The following MICAL2 variants were observed in gnomAD, a reference collection of about 807,000 sequenced individuals.
MICAL2 encodes the protein [F-actin]-monooxygenase MICAL2.
Under a neutral mutation model 127.3 loss-of-function variants are expected in MICAL2, and 77 were observed. The observed-to-expected ratio is 0.60, with a 90% confidence interval of 0.50 to 0.73. The LOEUF (loss-of-function observed/expected upper bound fraction) is 0.73, where lower values mean the gene tolerates loss of function less well. Among genes scored for constraint, MICAL2 ranks in the 30% least tolerant of loss-of-function variants. MICAL2 has a pLI of 0.00. For synonymous variants in MICAL2, 570 were observed against 551.1 expected (o/e 1.03, Z -0.48); for missense variants, 1,351 against 1,434.4 (o/e 0.94, Z 0.94).
At chr11:12,209,393 A>G in intron 5 of MICAL2, 104 bp from the exon 6 acceptor site, 1 of 899,736 alleles carries the variant, frequency 1.1e-6, no homozygotes. Context: ...TGTGATACAC[A>G]GACCTGGCTG....
At chr11:12,266,177 GA>G (rs112660237), downstream of MICAL2, among the ~76,000 whole-genome samples, 22 of 152,098 alleles carry the variant, frequency 1.4e-4, no homozygotes, top group Admixed American at 1.2e-3. Context: ...AAAACTGTAA[GA>G]AAAAAATATG....
intron 24 of MICAL2, among the ~76,000 whole-genome samples, chr11:12,269,835 C>T (rs1863654698): frequency 6.6e-6 from 1 of 152,244 alleles, no homozygotes; most frequent in African/African-American, 2.4e-5. Flanking sequence ...TGTATCTGCA[C>T]ACCTACACAC....
At chr11:12,285,230 C>G (rs191768322) in intron 2 of MICAL2, among the ~76,000 whole-genome samples, 1 of 152,070 alleles carries the variant, frequency 6.6e-6, no homozygotes, top group East Asian at 1.9e-4. Context: ...CTAGGTGGTG[C>G]CAGTTGAACC....
chr11:12,188,429 T>C (rs779745339), intron 3 of MICAL2, among the ~76,000 whole-genome samples: 11 of 152,206 alleles, frequency 7.2e-5, no homozygotes, highest in Non-Finnish European at 1.3e-4. Flanking sequence ...TTTTTTTTAT[T>C]GTCATGCTGT....
At chr11:12,209,117 T>C (rs1219415846) in intron 5 of MICAL2, among the ~76,000 whole-genome samples, 1 of 152,140 alleles carries the variant, frequency 6.6e-6, no homozygotes, top group Non-Finnish European at 1.5e-5. Flanking sequence ...TACATATCCT[T>C]TTGGGTCTGT....
At chr11:12,155,955 G>GATGAGGTGAGGAAGGGGGAATGT (rs1854143055) in intron 2 of MICAL2, among the ~76,000 whole-genome samples, 2 of 152,250 alleles carry the variant, frequency 1.3e-5, no homozygotes, top group Non-Finnish European at 2.9e-5. Flanking sequence ...AGAAGCAATG[G>GATGAGGTGAGGAAGGGGGAATGT]ATGAGGTGAG....
At chr11:12,277,509 T>G (rs1270049284) in intron 1 of MICAL2, among the ~76,000 whole-genome samples, 5 of 151,950 alleles carry the variant, frequency 3.3e-5, no homozygotes, top group Non-Finnish European at 7.4e-5. Flanking sequence ...AAGCTGAGAA[T>G]TGGTTGGCAA....
At chr11:12,235,480 G>C (rs1858918040) in intron 15 of MICAL2, among the ~76,000 whole-genome samples, 1 of 152,050 alleles carries the variant, frequency 6.6e-6, no homozygotes, top group Non-Finnish European at 1.5e-5. Context: ...CAATCAGGCT[G>C]GGGGTAAAAA....
chr11:12,358,643 C>A, downstream of MICAL2: 1 of 576,436 alleles, frequency 1.7e-6, no homozygotes, highest in Non-Finnish European at 2.8e-6. Context: ...GGCAGCTTCC[C>A]AAGGTTCTTC....
chr11:12,137,916 C>G (rs1851979073), intron 1 of MICAL2, among the ~76,000 whole-genome samples: 1 of 152,144 alleles, frequency 6.6e-6, no homozygotes, highest in Non-Finnish European at 1.5e-5. Context: ...GAAACTCAGC[C>G]ATGATCAGCT....
At chr11:12,267,178 G>A (rs1201779806), downstream of MICAL2, among the ~76,000 whole-genome samples, 1 of 152,158 alleles carries the variant, frequency 6.6e-6, no homozygotes, top group African/African-American at 2.4e-5. Flanking sequence ...GGTGGACTTT[G>A]GTTTTGCCTT....
intron 2 of MICAL2, among the ~76,000 whole-genome samples, chr11:12,140,293 T>C (rs1242809450): frequency 6.6e-6 from 1 of 152,238 alleles, no homozygotes; most frequent in Non-Finnish European, 1.5e-5. Flanking sequence ...TCTCCCATTT[T>C]ACAGATGAGA....
At chr11:12,239,808 T>C (rs1401003115) in intron 17 of MICAL2, among the ~76,000 whole-genome samples, 1 of 152,240 alleles carries the variant, frequency 6.6e-6, no homozygotes, top group Non-Finnish European at 1.5e-5. Flanking sequence ...GCCATTGTAG[T>C]ATGAAAGCAG....
At chr11:12,313,167 C>CAAAA (rs61207104) in intron 29 of MICAL2, among the ~76,000 whole-genome samples, 6,896 of 67,812 alleles carry the variant, frequency 0.1, 819 homozygotes, top group South Asian at 0.17. Flanking sequence ...GACTACATCT[C>CAAAA]AAAAAAAAAA....
At chr11:12,327,287 C>T (rs202059814) in intron 32 of MICAL2, 36 of 1,542,006 alleles carry the variant, frequency 2.3e-5, no homozygotes, top group Middle Eastern at 4.4e-4. Context: ...CCAGCAGATC[C>T]GGAGCAGTGG....
chr11:12,115,193 G>A (rs140527784), intron 1 of MICAL2, among the ~76,000 whole-genome samples: 1 of 152,330 alleles, frequency 6.6e-6, no homozygotes, highest in African/African-American at 2.4e-5. Flanking sequence ...CAAGTGTCTT[G>A]TCTGAATTTG....
At chr11:12,256,738 G>C in intron 23 of MICAL2, 47 bp from the exon 24 acceptor site, 1 of 1,512,802 alleles carries the variant, frequency 6.6e-7, no homozygotes, top group Non-Finnish European at 8.9e-7. Context: ...GCATTTGAAG[G>C]CTCGGGATAA....
At chr11:12,220,739 G>A (rs757691808) in intron 9 of MICAL2, among the ~76,000 whole-genome samples, 5 of 152,218 alleles carry the variant, frequency 3.3e-5, no homozygotes, top group Admixed American at 6.5e-5. Flanking sequence ...CCCGGTCTGG[G>A]CCATATGAGC....
At chr11:12,174,155 A>G (rs556175406) in intron 3 of MICAL2, among the ~76,000 whole-genome samples, 2 of 120,090 alleles carry the variant, frequency 1.7e-5, no homozygotes, top group South Asian at 4.8e-4. Context: ...CAGTAACTGA[A>G]TTGAGTTTGA....
Sources: gnomAD v4.1 joint callset for allele counts (sites outside exome capture counted in the v4.1 genomes callset) on GRCh38, gnomAD v4.1.1 for gene constraint, MANE v1.5 for transcripts, NCBI Gene and HGNC (gene_info 2026-07-23, HGNC 2026-07-21) for gene names.